SORCS3: variants seen among roughly 807,000 people sequenced by gnomAD.
The protein encoded by SORCS3 is sortilin related VPS10 domain containing receptor 3.
In SORCS3, 57 loss-of-function variants were observed where a neutral mutation model predicts 146.3. That is an observed-to-expected ratio of 0.39 (90% CI 0.31 to 0.49). The LOEUF is 0.49. Ranked by LOEUF, SORCS3 falls within the 20% of genes least tolerant of loss-of-function variation. The pLI is 0.92. For missense variants in SORCS3, 1,341 were observed against 1,575.5 expected (o/e 0.85, Z 2.52); for synonymous variants, 653 against 618.5 (o/e 1.06, Z -0.83).
At chr10:104,995,799 T>G (rs73334034) in intron 4 of SORCS3, among the ~76,000 whole-genome samples, 11,391 of 152,266 alleles carry the variant, frequency 0.075, 471 homozygotes, top group African/African-American at 0.1. Flanking sequence ...ATCATATTAT[T>G]TGAGTCATAT....
At chr10:104,806,294 T>A (rs2017679050) in intron 1 of SORCS3, among the ~76,000 whole-genome samples, 1 of 152,164 alleles carries the variant, frequency 6.6e-6, no homozygotes, top group African/African-American at 2.4e-5. Context: ...ATAGAGAAGT[T>A]TGAAGACCAG....
Position 105,214,579 on chromosome 10 carries a change from G to A in SORCS3, c.2513G>A (p.Gly838Glu). ...TTDGRLVAEQ[G>E]HNATFIILME... Reference sequence around the variant, plus strand: ...GATGGGCGGCTGGTGGCAGAGCAGGGGCACAATGCAACTTTCATCATCCTC... The same window carrying A: ...GATGGGCGGCTGGTGGCAGAGCAGGAGCACAATGCAACTTTCATCATCCTC... Residue 838 changes from glycine to glutamate, a missense_variant, in exon 18 of 27, where the codon GGG becomes GAG. Gly to Glu is a moderately conservative substitution (Grantham distance 98). Transcript: ENST00000369701. 1 of 1,603,714 alleles carries A rather than the reference G, an allele frequency of 6.2e-7. No individual in the cohort carries two copies. Among genetic ancestry groups the A allele is most frequent in the Non-Finnish European group, 8.5e-7 (1 of 1,174,994 alleles).
Position 104,794,233 on chromosome 10 carries a change from C to G in SORCS3, c.628-48559C>G, listed in dbSNP as rs553979921. Among the ~76,000 whole-genome samples, 21 of 152,256 alleles carry G rather than the reference C, an allele frequency of 1.4e-4. No individual in the cohort carries two copies. The East Asian group carries it at 4.0e-3, about 29-fold the overall frequency. On this transcript the variant is annotated intron_variant, in intron 1 of 26. Coordinates refer to ENST00000369701, the MANE Select transcript of SORCS3 (RefSeq NM_014978.3). Reference sequence around the variant, plus strand: ...ACTCTATACCCGTATTTTTGTCAGGCCTCGTGTCCAGGTTTTTGGTTTGGA... The same window carrying G: ...ACTCTATACCCGTATTTTTGTCAGGGCTCGTGTCCAGGTTTTTGGTTTGGA...
chr10:105,076,517 T>A (rs575268036), intron 5 of SORCS3, among the ~76,000 whole-genome samples: 21 of 152,188 alleles, frequency 1.4e-4, no homozygotes, highest in Non-Finnish European at 2.9e-4. Context: ...CCTGGCCTCC[T>A]GACCTTCACA....
intron 4 of SORCS3, among the ~76,000 whole-genome samples, chr10:104,986,411 ACTTT>A (rs1455193606): frequency 6.6e-6 from 1 of 152,146 alleles, no homozygotes; most frequent in East Asian, 1.9e-4. Flanking sequence ...GACCACTAAA[ACTTT>A]CTTTATATCA....
At position 105,178,061 on chromosome 10, in the gene SORCS3, C is replaced by T. The variant is rs1432111579; in HGVS notation, c.1902-5C>T. On this transcript the variant is annotated splice_polypyrimidine_tract_variant and splice_region_variant and intron_variant, in intron 13 of 26. Coordinates refer to ENST00000369701, the MANE Select transcript of SORCS3 (RefSeq NM_014978.3). Reference sequence around the variant, plus strand: ...GTCTTTTTTGTGTACTTGTTTCCAACACAGGGTGAGTTTTGATGAGGGCCA... The same window carrying T: ...GTCTTTTTTGTGTACTTGTTTCCAATACAGGGTGAGTTTTGATGAGGGCCA... 6.2e-7 allele frequency: 1 copy of T among 1,608,078 alleles called. No homozygotes were observed. The highest frequency in any genetic ancestry group is 8.5e-7 in the Non-Finnish European group (1 of 1,175,314).
At chr10:104,816,023 T>A (rs1015376422) in intron 1 of SORCS3, among the ~76,000 whole-genome samples, 2 of 152,228 alleles carry the variant, frequency 1.3e-5, no homozygotes, top group Non-Finnish European at 2.9e-5. Context: ...GGGATAGCAC[T>A]GTTATAAATA....
intron 5 of SORCS3, among the ~76,000 whole-genome samples, chr10:105,081,077 T>G (rs1224002779): frequency 6.6e-6 from 1 of 152,240 alleles, no homozygotes. Flanking sequence ...AACTTCACAT[T>G]GTACCCCGTA....
chr10:104,848,355 T>G (rs1440101560), intron 2 of SORCS3, among the ~76,000 whole-genome samples: 1 of 152,212 alleles, frequency 6.6e-6, no homozygotes, highest in Non-Finnish European at 1.5e-5. Context: ...GGAGACCTTT[T>G]GAATTTATGA....
At chr10:105,239,098 C>T (rs1018300397) in intron 20 of SORCS3, among the ~76,000 whole-genome samples, 1 of 152,138 alleles carries the variant, frequency 6.6e-6, no homozygotes, top group African/African-American at 2.4e-5. Context: ...GAATTTGGTT[C>T]CATCTTATAT....
intron 1 of SORCS3, among the ~76,000 whole-genome samples, chr10:104,804,371 G>A (rs1338936296): frequency 6.6e-6 from 1 of 152,216 alleles, no homozygotes; most frequent in Non-Finnish European, 1.5e-5. Context: ...GAAACAGGTT[G>A]TTGAAAGTTT....
chr10:104,961,200 CT>C (rs1436443477), intron 3 of SORCS3, among the ~76,000 whole-genome samples: 3 of 152,122 alleles, frequency 2.0e-5, no homozygotes, highest in African/African-American at 2.4e-5. Context: ...AACTTGGATG[CT>C]TGAAGCAACA....
chr10:105,145,486 T>G (rs998890116), intron 8 of SORCS3, among the ~76,000 whole-genome samples: 1 of 152,100 alleles, frequency 6.6e-6, no homozygotes, highest in African/African-American at 2.4e-5. Context: ...CTTTTCCCAT[T>G]TCTTTTACAT....
intron 18 of SORCS3, among the ~76,000 whole-genome samples, 154 bp from the exon 19 acceptor site, chr10:105,216,782 C>T (rs2056667605): frequency 6.6e-6 from 1 of 152,076 alleles, no homozygotes; most frequent in Non-Finnish European, 1.5e-5. Flanking sequence ...CCCTGCGGAT[C>T]AGATAGGAGT....
chr10:104,964,664 TTATCTC>T (rs2133637765), intron 3 of SORCS3, among the ~76,000 whole-genome samples: 1 of 152,308 alleles, frequency 6.6e-6, no homozygotes, highest in Admixed American at 6.5e-5. Context: ...GCCTGTTACT[TTATCTC>T]TAGTCTCGTG....
chr10:105,102,753 T>A (rs1393095895), intron 6 of SORCS3, among the ~76,000 whole-genome samples: 3 of 149,386 alleles, frequency 2.0e-5, no homozygotes, highest in Non-Finnish European at 4.5e-5. Flanking sequence ...GCCTGTACCA[T>A]CTTTTATATT....
At position 104,671,325 on chromosome 10, in the gene SORCS3, C is replaced by CTTTTTTTTTTTTTTTTTTTTTTT. The variant is rs771029154; in HGVS notation, c.627+29376_627+29398dup. 2.5e-3 allele frequency among the ~76,000 whole-genome samples: 48 copies of CTTTTTTTTTTTTTTTTTTTTTTT among 19,202 alleles called. 18 individuals are homozygous for CTTTTTTTTTTTTTTTTTTTTTTT. Among genetic ancestry groups the CTTTTTTTTTTTTTTTTTTTTTTT allele is most frequent in the East Asian group, 0.011 (5 of 446 alleles). 12.6% of individuals were successfully genotyped at this position (19,202 alleles called of 152,430 possible). On this transcript the variant is annotated intron_variant, in intron 1 of 26. Coordinates refer to ENST00000369701, the MANE Select transcript of SORCS3 (RefSeq NM_014978.3). ...ATGTTAAGGTAGTTTCATTCTTTTC[C>CTTTTTTTTTTTTTTTTTTTTTTT]TTTTTTTTTTTTTTTTTTTTTTTTT...
intron 16 of SORCS3, among the ~76,000 whole-genome samples, chr10:105,204,150 C>T (rs1370665480): frequency 6.6e-6 from 1 of 152,034 alleles, no homozygotes; most frequent in East Asian, 1.9e-4. Context: ...CATGTGGATC[C>T]AAGACGCTGT....
chr10:105,256,983 C>G lies in SORCS3; in HGVS notation c.3443+59C>G. On this transcript the variant is annotated intron_variant, in intron 25 of 26. Coordinates refer to ENST00000369701, the MANE Select transcript of SORCS3 (RefSeq NM_014978.3). The stretch of plus-strand genomic sequence containing the variant: ...GTTGGGGTCATTGCAAATGATTCTT[C>G]CTATAACTAACTTTACTAAACTCAT... 3 of 1,206,336 alleles carry G rather than the reference C, an allele frequency of 2.5e-6. No individual in the cohort carries two copies. In the East Asian group the frequency reaches 7.0e-5, roughly 28 times the overall value. The allele number at this position is 1,206,336 out of a possible 1,614,324, so 74.7% of individuals were successfully genotyped here.
Sources: allele counts gnomAD v4.1 joint callset (sites outside exome capture counted in the v4.1 genomes callset), GRCh38; gene constraint gnomAD v4.1.1; transcripts MANE v1.5; gene names NCBI Gene and HGNC (gene_info 2026-07-23, HGNC 2026-07-21).